SEMA6D: variants seen among roughly 807,000 people sequenced by gnomAD.
The protein encoded by SEMA6D is semaphorin 6D.
In SEMA6D, 35 loss-of-function variants were observed where a neutral mutation model predicts 106.6. The ratio of observed to expected loss-of-function variants is 0.33; its 90% CI spans 0.25 to 0.44. SEMA6D has a LOEUF of 0.44. Among genes scored for constraint, SEMA6D ranks in the 20% least tolerant of loss-of-function variants. The pLI, the probability that SEMA6D is intolerant of heterozygous loss-of-function variation, is 1.00. For synonymous variants in SEMA6D, 499 were observed against 487.7 expected, an observed-to-expected ratio of 1.02 and a Z score of -0.31; for missense variants, 1,185 against 1,345.9, an observed-to-expected ratio of 0.88 and a Z score of 1.87.
intron 1 of SEMA6D, among the ~76,000 whole-genome samples, chr15:47,722,919 G>A (rs9920036): frequency 0.2 from 30,393 of 152,046 alleles, 3,524 homozygotes; most frequent in Non-Finnish European, 0.25. Flanking sequence ...TGCTTTATTG[G>A]TAAACAAAGT....
intron 1 of SEMA6D, among the ~76,000 whole-genome samples, chr15:47,283,137 G>T (rs1019633272): frequency 6.6e-6 from 1 of 152,052 alleles, no homozygotes. Context: ...AGACACAGTG[G>T]TGTCCCATAT....
At chr15:47,616,110 T>G (rs998502593) in intron 4 of SEMA6D, among the ~76,000 whole-genome samples, 26 of 152,096 alleles carry the variant, frequency 1.7e-4, no homozygotes, top group Non-Finnish European at 3.5e-4. Context: ...TTTACCGATC[T>G]CTCACCCTCT....
chr15:47,474,384 T>G (rs2042943786), intron 3 of SEMA6D, among the ~76,000 whole-genome samples: 1 of 152,232 alleles, frequency 6.6e-6, no homozygotes, highest in Non-Finnish European at 1.5e-5. Flanking sequence ...ATTTGTTTTT[T>G]TTCTATTATA....
intron 2 of SEMA6D, among the ~76,000 whole-genome samples, chr15:47,440,024 C>T (rs181797109): frequency 3.3e-5 from 5 of 152,196 alleles, no homozygotes; most frequent in Admixed American, 3.3e-4. Context: ...CGGAAGGTTA[C>T]ATAAAAGCAA....
At chr15:47,438,846 C>T (rs766349551) in intron 2 of SEMA6D, among the ~76,000 whole-genome samples, 1 of 151,932 alleles carries the variant, frequency 6.6e-6, no homozygotes, top group African/African-American at 2.4e-5. Flanking sequence ...TGATTTGGCT[C>T]ACGATTGTAT....
At chr15:47,384,728 T>A (rs2039756407) in intron 1 of SEMA6D, among the ~76,000 whole-genome samples, 1 of 151,096 alleles carries the variant, frequency 6.6e-6, no homozygotes, top group South Asian at 2.1e-4. Flanking sequence ...TAGCCCGGAG[T>A]AAGGCTCACA....
intron 4 of SEMA6D, among the ~76,000 whole-genome samples, chr15:47,629,469 A>G (rs2077258468): frequency 6.6e-6 from 1 of 151,926 alleles, no homozygotes; most frequent in African/African-American, 2.4e-5. Flanking sequence ...TAATTTACAT[A>G]TTTATCAGTA....
chr15:47,541,686 G>A (rs2045359811), intron 3 of SEMA6D, among the ~76,000 whole-genome samples: 1 of 152,228 alleles, frequency 6.6e-6, no homozygotes, highest in East Asian at 1.9e-4. Context: ...AGATGATCGG[G>A]GGAATAGCCC....
intron 4 of SEMA6D, among the ~76,000 whole-genome samples, chr15:47,641,270 T>TA (rs2077484574): frequency 6.6e-6 from 1 of 152,100 alleles, no homozygotes; most frequent in Non-Finnish European, 1.5e-5. Context: ...AAGCAGATTT[T>TA]AAAAAACCAG....
At chr15:47,303,285 C>T (rs1435993909) in intron 1 of SEMA6D, among the ~76,000 whole-genome samples, 1 of 152,192 alleles carries the variant, frequency 6.6e-6, no homozygotes, top group African/African-American at 2.4e-5. Context: ...GCATAGGTTT[C>T]ACTTTCGAGG....
intron 1 of SEMA6D, among the ~76,000 whole-genome samples, chr15:47,342,259 G>T (rs1303399202): frequency 6.6e-6 from 1 of 152,060 alleles, no homozygotes; most frequent in Non-Finnish European, 1.5e-5. Flanking sequence ...AAAGTTCGTT[G>T]CCTGCACTGC....
intron 1 of SEMA6D, among the ~76,000 whole-genome samples, chr15:47,401,511 A>C (rs773717184): frequency 7.9e-5 from 12 of 152,178 alleles, no homozygotes; most frequent in Non-Finnish European, 1.2e-4. Flanking sequence ...TCAGTTCTCT[A>C]ACCACTGTGT....
At chr15:47,305,762 G>A (rs1323351168) in intron 1 of SEMA6D, among the ~76,000 whole-genome samples, 1 of 152,098 alleles carries the variant, frequency 6.6e-6, no homozygotes, top group Non-Finnish European at 1.5e-5. Flanking sequence ...TCTGGCTTTT[G>A]GACCACAGGC....
intron 3 of SEMA6D, among the ~76,000 whole-genome samples, chr15:47,481,277 C>G (rs1567110658): frequency 6.6e-6 from 1 of 152,138 alleles, no homozygotes; most frequent in African/African-American, 2.4e-5. Flanking sequence ...GGTTCTAAAA[C>G]TATACTCAGC....
intron 1 of SEMA6D, among the ~76,000 whole-genome samples, chr15:47,329,111 G>A (rs2037241380): frequency 1.3e-5 from 2 of 152,166 alleles, no homozygotes; most frequent in Admixed American, 1.3e-4. Flanking sequence ...CTGGCCATAC[G>A]CAGCTGAACA....
At chr15:47,437,212 T>C (rs1319042780) in intron 2 of SEMA6D, among the ~76,000 whole-genome samples, 7 of 152,092 alleles carry the variant, frequency 4.6e-5, no homozygotes, top group African/African-American at 7.2e-5. Context: ...TTGTGCCTAA[T>C]CCAAATTGTA....
In SEMA6D at chr15:47,552,905, T is replaced by TATAA. The variant is rs1483274186; in HGVS notation, c.-86-47959_-86-47958insTAAA. On this transcript the variant is annotated intron_variant, in intron 3 of 19. Transcript: ENST00000558014. ...AAATATATATAAATATATATATATA[T>TATAA]AAATATATATATATTTGAGATGGAG... Among the ~76,000 whole-genome samples, 46 of 94,812 alleles carry TATAA rather than the reference T, an allele frequency of 4.9e-4. 2 individuals are homozygous for TATAA. Among genetic ancestry groups the TATAA allele is most frequent in the Middle Eastern group, 9.4e-3 (2 of 212 alleles). The allele number at this position is 94,812 out of a possible 152,430, so 62.2% of individuals were successfully genotyped here. A position where few individuals can be genotyped will look rare whatever the true frequency, so the allele number is the denominator to read the frequency against.
intron 1 of SEMA6D, among the ~76,000 whole-genome samples, chr15:47,751,527 G>A (rs1196322742): frequency 1.3e-5 from 2 of 152,262 alleles, no homozygotes; most frequent in Admixed American, 6.5e-5. Context: ...AGTGAATGGT[G>A]CTCTTTGTGC....
At chr15:47,310,388 ATTGT>A (rs764882846) in intron 1 of SEMA6D, among the ~76,000 whole-genome samples, 2 of 152,116 alleles carry the variant, frequency 1.3e-5, no homozygotes, top group African/African-American at 2.4e-5. Context: ...GTTTTAAGCT[ATTGT>A]TTGTGTTTGT....
Sources: allele counts gnomAD v4.1 joint callset (sites outside exome capture counted in the v4.1 genomes callset), GRCh38; gene constraint gnomAD v4.1.1; transcripts MANE v1.5; gene names NCBI Gene and HGNC (gene_info 2026-07-23, HGNC 2026-07-21).